CACNA2D3: variants seen among roughly 807,000 people sequenced by gnomAD.
CACNA2D3 encodes the protein voltage-dependent calcium channel subunit alpha-2/delta-3.
In CACNA2D3, 60 loss-of-function variants were observed where a neutral mutation model predicts 160.6. The observed-to-expected ratio is 0.37, with a 90% confidence interval of 0.30 to 0.46. The LOEUF (loss-of-function observed/expected upper bound fraction) is 0.46. Among genes scored for constraint, CACNA2D3 ranks in the 20% least tolerant of loss-of-function variants. The pLI, the probability that CACNA2D3 is intolerant of heterozygous loss-of-function variation, is 1.00. For synonymous variants in CACNA2D3, 558 were observed against 492.9 expected, an observed-to-expected ratio of 1.13 and a Z score of -1.75; for missense variants, 1,205 against 1,365.0, an observed-to-expected ratio of 0.88 and a Z score of 1.85.
chr3:54,305,774 C>A (rs1237115607), intron 2 of CACNA2D3, among the ~76,000 whole-genome samples: 1 of 152,216 alleles, frequency 6.6e-6, no homozygotes, highest in African/African-American at 2.4e-5. Flanking sequence ...AAAATGACAT[C>A]TTTTACTTTC....
At chr3:54,765,935 C>T (rs1167329160) in intron 13 of CACNA2D3, among the ~76,000 whole-genome samples, 1 of 152,048 alleles carries the variant, frequency 6.6e-6, no homozygotes, top group African/African-American at 2.4e-5. Flanking sequence ...AGAATTAGTT[C>T]AGTCTTCACA....
chr3:54,236,406 G>A (rs1277656834), intron 2 of CACNA2D3, among the ~76,000 whole-genome samples: 1 of 152,130 alleles, frequency 6.6e-6, no homozygotes, highest in Non-Finnish European at 1.5e-5. Flanking sequence ...TGCGACATAT[G>A]GAAACTCCCT....
chr3:54,988,722 A>C lies in CACNA2D3; in HGVS notation c.2690+969A>C, dbSNP rs551887950. On this transcript the variant is annotated intron_variant, in intron 31 of 37. Transcript: ENST00000474759. ...AATCAGACTTTTAAGCTAGTCAACA[A>C]GACCAACTGAGCACTTTGCTGAAAG... Among the ~76,000 whole-genome samples, 20 of 152,370 alleles carry C rather than the reference A, an allele frequency of 1.3e-4. No individual in the cohort carries two copies. In the South Asian group the frequency reaches 4.1e-3, roughly 32 times the overall value.
At chr3:54,693,938 A>G (rs1294264539) in intron 11 of CACNA2D3, among the ~76,000 whole-genome samples, 3 of 152,222 alleles carry the variant, frequency 2.0e-5, no homozygotes, top group Admixed American at 1.3e-4. Context: ...AAAAGTTTAT[A>G]AAAGTCACAG....
intron 4 of CACNA2D3, among the ~76,000 whole-genome samples, chr3:54,497,579 A>G (rs1701221347): frequency 6.6e-6 from 1 of 152,008 alleles, no homozygotes; most frequent in Admixed American, 6.5e-5. Flanking sequence ...TCCCTTTTCA[A>G]TACCTATGGC....
chr3:54,967,115 C>G (rs574092516), intron 27 of CACNA2D3: 3 of 152,226 alleles, frequency 2.0e-5, no homozygotes, highest in Non-Finnish European at 4.4e-5. Flanking sequence ...TGCAGCCGTG[C>G]ACTGCTCTAG....
At chr3:54,943,208 A>AAG (rs1172325555) in intron 27 of CACNA2D3, among the ~76,000 whole-genome samples, 1 of 151,498 alleles carries the variant, frequency 6.6e-6, no homozygotes, top group East Asian at 1.9e-4. Context: ...TCTGGTAAAA[A>AAG]AAAAAAAAAT....
chr3:54,883,273 C>T (rs561901083), intron 21 of CACNA2D3, among the ~76,000 whole-genome samples: 3 of 152,192 alleles, frequency 2.0e-5, no homozygotes, highest in Non-Finnish European at 4.4e-5. Flanking sequence ...CTGCCTTCCT[C>T]GGCCTCCGAA....
intron 3 of CACNA2D3, among the ~76,000 whole-genome samples, chr3:54,351,930 C>T (rs115741618): frequency 0.032 from 4,833 of 152,332 alleles, 115 homozygotes; most frequent in Non-Finnish European, 0.052. Flanking sequence ...TGGATACCTC[C>T]TCTGCAGAGT....
At chr3:54,587,988 C>T (rs141066791) in intron 9 of CACNA2D3, among the ~76,000 whole-genome samples, 16 of 152,280 alleles carry the variant, frequency 1.1e-4, no homozygotes, top group East Asian at 7.7e-4. Context: ...ATAAGGCTAG[C>T]GTTTCCCTGA....
At chr3:54,210,427 TG>T (rs1701352479) in intron 2 of CACNA2D3, among the ~76,000 whole-genome samples, 1 of 137,492 alleles carries the variant, frequency 7.3e-6, no homozygotes, top group Non-Finnish European at 1.6e-5. Flanking sequence ...AAAGTTTTTG[TG>T]TGTGTGTGTG....
chr3:54,789,727 T>C, intron 13 of CACNA2D3: 2 of 453,154 alleles, frequency 4.4e-6, no homozygotes, highest in Non-Finnish European at 8.9e-6. Context: ...ATATGAGTTG[T>C]CAGAGCTTTC....
chr3:54,306,683 C>T (rs1208882079), intron 2 of CACNA2D3, among the ~76,000 whole-genome samples: 3 of 152,182 alleles, frequency 2.0e-5, no homozygotes, highest in Non-Finnish European at 4.4e-5. Flanking sequence ...GGGCCTCAGG[C>T]TCATCCTCAC....
intron 9 of CACNA2D3, among the ~76,000 whole-genome samples, chr3:54,582,444 T>A (rs1212016821): frequency 6.6e-6 from 1 of 152,136 alleles, no homozygotes; most frequent in African/African-American, 2.4e-5. Flanking sequence ...AGTTTTGGAG[T>A]ATCCTAGGAA....
intron 29 of CACNA2D3, among the ~76,000 whole-genome samples, chr3:54,970,369 ATCTTTTCTTTTT>A (rs1474005054): frequency 3.3e-5 from 5 of 150,828 alleles, no homozygotes; most frequent in African/African-American, 4.9e-5. Flanking sequence ...TCTCCTACAA[ATCTTTTCTTTTT>A]TCTTTTCTTT....
At chr3:54,368,215 A>G (rs1194386130) in intron 3 of CACNA2D3, among the ~76,000 whole-genome samples, 1 of 152,180 alleles carries the variant, frequency 6.6e-6, no homozygotes, top group African/African-American at 2.4e-5. Flanking sequence ...TACTCCTGTA[A>G]TCTCAGCACT....
chr3:54,647,422 G>T (rs1699672631), intron 11 of CACNA2D3, among the ~76,000 whole-genome samples: 1 of 152,192 alleles, frequency 6.6e-6, no homozygotes, highest in African/African-American at 2.4e-5. Context: ...GGTTAACTAG[G>T]TGGTGGTTCT....
At chr3:54,912,403 A>G (rs1700576763) in intron 27 of CACNA2D3, among the ~76,000 whole-genome samples, 2 of 152,062 alleles carry the variant, frequency 1.3e-5, no homozygotes, top group South Asian at 4.1e-4. Flanking sequence ...GTCCTACATG[A>G]TTTGACCCCT....
At chr3:54,390,855 C>T (rs1414121032) in intron 4 of CACNA2D3, among the ~76,000 whole-genome samples, 2 of 152,184 alleles carry the variant, frequency 1.3e-5, no homozygotes, top group Non-Finnish European at 2.9e-5. Flanking sequence ...AATCTGGGTT[C>T]TGCTGACCTC....
Sources: allele counts gnomAD v4.1 joint callset (sites outside exome capture counted in the v4.1 genomes callset), GRCh38; gene constraint gnomAD v4.1.1; transcripts MANE v1.5; gene names NCBI Gene and HGNC (gene_info 2026-07-23, HGNC 2026-07-21).